LRRFIP2: variants seen among roughly 807,000 people sequenced by gnomAD.
LRRFIP2 encodes LRR binding FLII interacting protein 2.
A neutral mutation model predicts 125.9 loss-of-function variants in LRRFIP2; 109 were observed. The ratio of observed to expected loss-of-function variants is 0.87; its 90% CI spans 0.74 to 1.01. The LOEUF is 1.01. Ranked by LOEUF, LRRFIP2 falls within the 50% of genes least tolerant of loss-of-function variation. The pLI, the probability that LRRFIP2 is intolerant of heterozygous loss-of-function variation, is 0.00. For missense variants in LRRFIP2, 850 were observed against 862.3 expected (o/e 0.99, Z 0.18); for synonymous variants, 291 against 293.1 (o/e 0.99, Z 0.07).
chr3:37,122,567 T>C (rs1437628982), intron 4 of LRRFIP2, among the ~76,000 whole-genome samples: 3 of 152,248 alleles, frequency 2.0e-5, no homozygotes, highest in East Asian at 3.8e-4. Flanking sequence ...AGACAGTATA[T>C]GATTCTAAAA....
Position 37,129,987 on chromosome 3 carries a change from T to G in LRRFIP2, c.91-838A>C, listed in dbSNP as rs547400564. On this transcript the variant is annotated intron_variant, in intron 2 of 27. Coordinates refer to ENST00000336686, the MANE Select transcript of LRRFIP2 (RefSeq NM_006309.4). ...CAGCCTAGATGACAGAGTGAGACGCTGTCTCAAAAATAAATAAATAAATGT... is the reference window on the plus strand; with the variant it reads ...CAGCCTAGATGACAGAGTGAGACGCGGTCTCAAAAATAAATAAATAAATGT... 4.6e-5 allele frequency among the ~76,000 whole-genome samples: 7 copies of G among 152,248 alleles called. No individual in the cohort carries two copies. The East Asian group carries it at 1.4e-3, about 29-fold the overall frequency.
At chr3:37,144,671 C>T (rs1577423180) in intron 2 of LRRFIP2, among the ~76,000 whole-genome samples, 2 of 152,122 alleles carry the variant, frequency 1.3e-5, no homozygotes, top group East Asian at 3.8e-4. Flanking sequence ...TTTAGTATCA[C>T]AGTGTTGATG....
chr3:37,077,922 CTACT>C (rs1001237053), intron 19 of LRRFIP2, among the ~76,000 whole-genome samples: 1 of 152,078 alleles, frequency 6.6e-6, no homozygotes, highest in African/African-American at 2.4e-5. Context: ...TTATATGATT[CTACT>C]TACTTATGAG....
chr3:37,095,093 G>C (rs909446674), intron 16 of LRRFIP2, among the ~76,000 whole-genome samples, 185 bp from the exon 17 acceptor site: 3 of 152,100 alleles, frequency 2.0e-5, no homozygotes, highest in African/African-American at 7.2e-5. Context: ...AAGGGCCCAA[G>C]CATACTAAGC....
chr3:37,063,955 G>A, intron 23 of LRRFIP2, 164 bp from the exon 24 acceptor site: 1 of 576,344 alleles, frequency 1.7e-6, no homozygotes, highest in Non-Finnish European at 3.1e-6. Context: ...TTACAGAAAA[G>A]TTCTTAACTA....
intron 16 of LRRFIP2, among the ~76,000 whole-genome samples, chr3:37,095,469 T>C (rs762720068): frequency 2.0e-5 from 3 of 152,196 alleles, no homozygotes; most frequent in Non-Finnish European, 4.4e-5. Context: ...ATAAACTGCA[T>C]GAATCTGTGC....
At chr3:37,066,093 A>T (rs2090086809) in intron 22 of LRRFIP2, 131 bp downstream of exon 22, 12 of 1,324,452 alleles carry the variant, frequency 9.1e-6, no homozygotes, top group Non-Finnish European at 1.3e-5. Flanking sequence ...AATAGCTTCA[A>T]CCTACCAAAT....
chr3:37,175,738 G>A (rs1032536989), upstream of LRRFIP2: 1 of 152,360 alleles, frequency 6.6e-6, no homozygotes, highest in Non-Finnish European at 1.5e-5. Context: ...GTCTAAGGAG[G>A]AAGAGAAGGC....
At position 37,108,172 on chromosome 3, in the gene LRRFIP2, C is replaced by T. The variant is rs373730909; in HGVS notation, c.658-43G>A. 9 of 1,459,228 alleles carry T rather than the reference C, an allele frequency of 6.2e-6. No individual in the cohort carries two copies. In the African/African-American group the frequency reaches 7.0e-5, roughly 11 times the overall value. 90.4% of individuals were successfully genotyped at this position (1,459,228 alleles called of 1,614,324 possible). On this transcript the variant is annotated intron_variant, in intron 12 of 27. Coordinates refer to ENST00000336686, the MANE Select transcript of LRRFIP2 (RefSeq NM_006309.4). Reference sequence around the variant, plus strand: ...AGAAAGGTTTTACAACAATGATCACCTCATTATTCTAATGAGAATACATTA... The same window carrying T: ...AGAAAGGTTTTACAACAATGATCACTTCATTATTCTAATGAGAATACATTA...
chr3:37,066,494 A>G, intron 21 of LRRFIP2, 169 bp from the exon 22 acceptor site: 2 of 605,646 alleles, frequency 3.3e-6, no homozygotes, highest in African/African-American at 1.8e-5. Flanking sequence ...ACAGAGTTAC[A>G]TGGATATACA....
In LRRFIP2 at chr3:37,114,917, T is replaced by C. The variant is rs1431246577; in HGVS notation, c.372+137A>G. The C allele has an allele frequency of 1.6e-5, 10 of 643,644 alleles. No individual in the cohort carries two copies. The East Asian group carries it at 2.7e-4, about 17-fold the overall frequency. The allele number at this position is 643,644 out of a possible 1,614,324, so 39.9% of individuals were successfully genotyped here. ...CATGCCACAACCACAAAACATTAGC[T>C]TTTTGCTTTGTTAGTCACACATTTT... On this transcript the variant is annotated intron_variant, in intron 7 of 27. Coordinates refer to ENST00000336686, the MANE Select transcript of LRRFIP2 (RefSeq NM_006309.4).
At chr3:37,152,892 T>C (rs2096072131) in intron 1 of LRRFIP2, among the ~76,000 whole-genome samples, 1 of 152,190 alleles carries the variant, frequency 6.6e-6, no homozygotes. Context: ...TCAGTCAGCT[T>C]TCCAAGGACA....
intron 17 of LRRFIP2, among the ~76,000 whole-genome samples, chr3:37,092,439 C>T (rs1559801659): frequency 6.6e-6 from 1 of 152,158 alleles, no homozygotes; most frequent in Non-Finnish European, 1.5e-5. Context: ...TCATTCAATA[C>T]ACATTTATGA....
chr3:37,134,357 G>A (rs900917303), intron 2 of LRRFIP2, among the ~76,000 whole-genome samples: 2 of 152,268 alleles, frequency 1.3e-5, no homozygotes, highest in Non-Finnish European at 2.9e-5. Flanking sequence ...TCGGCCTGGC[G>A]GTGGCCTGCT....
intron 10 of LRRFIP2, 36 bp downstream of exon 10, chr3:37,109,617 G>C (rs534730135): frequency 1.9e-6 from 3 of 1,613,688 alleles, no homozygotes; most frequent in African/African-American, 2.7e-5. Flanking sequence ...GCAACTGGTA[G>C]CTCTAAAGGC....
chr3:37,120,681 G>C (rs2094989614), intron 6 of LRRFIP2, among the ~76,000 whole-genome samples: 1 of 151,586 alleles, frequency 6.6e-6, no homozygotes, highest in African/African-American at 2.4e-5. Flanking sequence ...CTAACAAATA[G>C]AGACTTTAAC....
At chr3:37,065,609 C>T in intron 23 of LRRFIP2, 2 of 707,898 alleles carry the variant, frequency 2.8e-6, no homozygotes, top group Non-Finnish European at 5.1e-6. Flanking sequence ...ACACTTATTG[C>T]CTTACAGTGA....
intron 13 of LRRFIP2, among the ~76,000 whole-genome samples, chr3:37,107,303 A>G (rs1460663317): frequency 3.3e-5 from 5 of 152,238 alleles, no homozygotes; most frequent in Admixed American, 6.5e-5. Flanking sequence ...TGAAGTGGAA[A>G]AACTAAGGGA....
chr3:37,135,995 T>C (rs1341450770), intron 2 of LRRFIP2, among the ~76,000 whole-genome samples: 3 of 152,212 alleles, frequency 2.0e-5, no homozygotes, highest in Non-Finnish European at 2.9e-5. Context: ...TGAATGTTCA[T>C]AGCAGCATTA....
Sources: allele counts gnomAD v4.1 joint callset (sites outside exome capture counted in the v4.1 genomes callset), GRCh38; gene constraint gnomAD v4.1.1; transcripts MANE v1.5; gene names NCBI Gene and HGNC (gene_info 2026-07-23, HGNC 2026-07-21).